The following JAK1 variants were observed in gnomAD, a reference collection of about 807,000 sequenced individuals.
The protein encoded by JAK1 is Janus kinase 1.
A neutral mutation model predicts 136.6 loss-of-function variants in JAK1; 16 were observed. The observed-to-expected ratio is 0.12, with a 90% CI of 0.08 to 0.18. JAK1 has a LOEUF of 0.18. Ranked by LOEUF, JAK1 falls within the 10% of genes least tolerant of loss-of-function variation. The probability of loss-of-function intolerance (pLI) is 1.00; values close to 1 mark genes in which losing one functional copy is unlikely to be tolerated. For synonymous variants in JAK1, 492 were observed against 519.5 expected (o/e 0.95, Z 0.72); for missense variants, 859 against 1,450.1 (o/e 0.59, Z 6.62).
At chr1:64,840,877 G>A (rs896880289) in intron 19 of JAK1, among the ~76,000 whole-genome samples, 5 of 151,984 alleles carry the variant, frequency 3.3e-5, no homozygotes, top group East Asian at 1.9e-4. Context: ...ATATATGCCC[G>A]GGAAAGTCAG....
rs1368753789 is a variant in JAK1, at chr1:64,926,838, A to G, written c.-78+39495T>C. On this transcript the variant is annotated intron_variant, in intron 1 of 24. Transcript: ENST00000342505. ...AAGTTATTTATCCCATCTGTGCCTC[A>G]ATTTCTTCATCTGTAAAACAATGAT... Among the ~76,000 whole-genome samples, 4 of 152,134 alleles carry G rather than the reference A, an allele frequency of 2.6e-5. No individual in the cohort carries two copies. In the East Asian group the frequency reaches 7.7e-4, roughly 29 times the overall value.
chr1:64,970,367 G>A (rs918792839), upstream of JAK1, among the ~76,000 whole-genome samples: 7 of 151,930 alleles, frequency 4.6e-5, no homozygotes, highest in Non-Finnish European at 5.9e-5. Context: ...CTTGAACCCG[G>A]AAGGCAGAGG....
At chr1:64,997,143 C>T (rs986977224) in intron 2 of JAK1, among the ~76,000 whole-genome samples, 28 of 152,146 alleles carry the variant, frequency 1.8e-4, no homozygotes, top group Admixed American at 1.8e-3. Flanking sequence ...CACAAATAAT[C>T]TCTGAATGAA....
chr1:65,007,533 T>G (rs1404585321), intron 2 of JAK1, among the ~76,000 whole-genome samples: 2 of 152,168 alleles, frequency 1.3e-5, no homozygotes, highest in Non-Finnish European at 2.9e-5. Flanking sequence ...CAATCTCAGC[T>G]CACCGCAACC....
intron 1 of JAK1, among the ~76,000 whole-genome samples, chr1:64,902,583 A>AGAGAGAGAGAGAGAGAGTGT: frequency 0.012 from 864 of 73,778 alleles, 7 homozygotes; most frequent in East Asian, 0.016. Flanking sequence ...AGAGAGAGAG[A>AGAGAGAGAGAGAGAGAGTGT]GTGTGTGTGT....
intron 1 of JAK1, among the ~76,000 whole-genome samples, chr1:64,906,811 A>G (rs1352132451): frequency 1.3e-5 from 2 of 152,206 alleles, no homozygotes; most frequent in African/African-American, 4.8e-5. Context: ...AGATCTTTAG[A>G]AATATAGGGA....
intron 1 of JAK1, among the ~76,000 whole-genome samples, chr1:64,944,154 G>A (rs1196725417): frequency 2.7e-5 from 4 of 149,900 alleles, no homozygotes; most frequent in East Asian, 2.0e-4. Flanking sequence ...CCCAGGAGGC[G>A]GAGCTTGCAG....
In JAK1 at chr1:64,879,043, C is replaced by A. The variant is rs532214548; in HGVS notation, c.311G>T (p.Arg104Leu). ...CCCATACCTCATCCGGTAGTGGAGC[C>A]GGAGGGACATCTTGTCATCAACGGT... ...TITVDDKMSL[R>L]LHYRMRFYFT... Residue 104 changes from arginine to leucine, a missense_variant, in exon 4 of 25, where the codon CGG becomes CTG. Transcript: ENST00000342505. The A allele has an allele frequency of 4.3e-6, 7 of 1,613,790 alleles. No individual in the cohort carries two copies. Among genetic ancestry groups the A allele is most frequent in the Non-Finnish European group, 5.1e-6 (6 of 1,179,956 alleles).
chr1:64,901,487 TAAAG>T (rs1480696230), intron 1 of JAK1, among the ~76,000 whole-genome samples: 1 of 152,036 alleles, frequency 6.6e-6, no homozygotes, highest in Admixed American at 6.5e-5. Context: ...CCTGGAAAGA[TAAAG>T]AAAGTCTAAT....
In JAK1 at chr1:64,844,556, C is replaced by T. The variant is rs570248517; in HGVS notation, c.2251+198G>A. Among the ~76,000 whole-genome samples the T allele has an allele frequency of 4.7e-4, 71 of 152,198 alleles. No individual in the cohort carries two copies. The highest frequency in any genetic ancestry group is 1.3e-3 in the African/African-American group (55 of 41,522). On this transcript the variant is annotated intron_variant, in intron 16 of 24. Transcript: ENST00000342505. The surrounding 1 kb of genome is among the most constrained non-coding windows in gnomAD (Gnocchi z 5.7). ...GGGGCCATCACCCAGGGCAGGAGGA[C>T]GAACGGGGGCTCGTTCAAGGACTTA... is the stretch of plus-strand genomic sequence containing the variant.
chr1:64,854,331 T>C (rs1046655312), intron 11 of JAK1, among the ~76,000 whole-genome samples: 1 of 152,166 alleles, frequency 6.6e-6, no homozygotes, highest in African/African-American at 2.4e-5. Flanking sequence ...CTGACACTCA[T>C]GGGGCCTCAG....
intron 19 of JAK1, among the ~76,000 whole-genome samples, chr1:64,840,129 G>A (rs142690272): frequency 1.8e-3 from 267 of 152,310 alleles, no homozygotes; most frequent in Middle Eastern, 0.01. Flanking sequence ...CTGGGCTCAC[G>A]TTACAGGACA....
chr1:64,969,386 T>C (rs1646429915), upstream of JAK1, among the ~76,000 whole-genome samples: 1 of 151,674 alleles, frequency 6.6e-6, no homozygotes, highest in Non-Finnish European at 1.5e-5. Flanking sequence ...TAGCAAGTCC[T>C]CTTGTTCCCC....
intron 12 of JAK1, 144 bp from the exon 13 acceptor site, chr1:64,847,819 A>G: frequency 1.2e-6 from 1 of 849,452 alleles, no homozygotes; most frequent in Non-Finnish European, 1.8e-6. Context: ...CGTGGTCCCC[A>G]GGCCTCCAGA....
chr1:64,869,273 T>A, intron 6 of JAK1, 38 bp downstream of exon 6: 1 of 1,593,278 alleles, frequency 6.3e-7, no homozygotes. Context: ...AACACCACCA[T>A]CCTCACAATC....
Position 64,841,560 on chromosome 1 carries a change from T to C in JAK1, c.2445A>G (p.Pro815=), listed in dbSNP as rs1415027013. ...TGAGGTCAGCCAGCTCCTTACATGA[T>C]GGTGTCACTGGCCTGCACCGGCTTT... The part of the protein sequence containing the change: ...FYESRCRPVT[P]SCKELADLMT... Residue 815 remains proline (P), a synonymous_variant, in exon 18 of 25, where the codon CCA becomes CCG. Transcript: ENST00000342505. 1 of 1,614,066 alleles carries C rather than the reference T, an allele frequency of 6.2e-7. No homozygotes were observed. The highest frequency in any genetic ancestry group is 1.3e-5 in the African/African-American group (1 of 74,922).
At chr1:64,981,323 A>G (rs559271694) in intron 2 of JAK1, among the ~76,000 whole-genome samples, 3 of 152,222 alleles carry the variant, frequency 2.0e-5, no homozygotes, top group Non-Finnish European at 2.9e-5. Flanking sequence ...AATGCCTTCT[A>G]TTGCTGTTTG....
At chr1:65,004,051 C>T (rs1646784544) in intron 2 of JAK1, 1 of 152,256 alleles carries the variant, frequency 6.6e-6, no homozygotes, top group Non-Finnish European at 1.5e-5. Context: ...AACTGACTCT[C>T]CTGCCTCAGC....
chr1:65,003,120 C>A (rs17127217), intron 2 of JAK1, among the ~76,000 whole-genome samples: 1,787 of 151,234 alleles, frequency 0.012, 36 homozygotes, highest in African/African-American at 0.042. Flanking sequence ...ACAATTCTTA[C>A]CGTGGAACAG....
Sources: allele counts gnomAD v4.1 joint callset (sites outside exome capture counted in the v4.1 genomes callset), GRCh38; gene constraint gnomAD v4.1.1; non-coding constraint Gnocchi (gnomAD v3.1); transcripts MANE v1.5; gene names NCBI Gene and HGNC (gene_info 2026-07-23, HGNC 2026-07-21).